The following ANKS1B variants were observed in gnomAD, a reference collection of about 807,000 sequenced individuals.
ANKS1B encodes ankyrin repeat and sterile alpha motif domain-containing protein 1B.
Under a neutral mutation model 148.3 loss-of-function variants are expected in ANKS1B, and 36 were observed. The ratio of observed to expected loss-of-function variants is 0.24; its 90% CI spans 0.19 to 0.32. The LOEUF is 0.32. Ranked by LOEUF, ANKS1B falls within the 10% of genes least tolerant of loss-of-function variation. The pLI, the probability that ANKS1B is intolerant of heterozygous loss-of-function variation, is 1.00. For synonymous variants in ANKS1B, 542 were observed against 560.8 expected (o/e 0.97, Z 0.47); for missense variants, 1,157 against 1,542.6 (o/e 0.75, Z 4.19).
chr12:99,304,926 A>T (rs2082146838), intron 12 of ANKS1B, among the ~76,000 whole-genome samples: 1 of 152,090 alleles, frequency 6.6e-6, no homozygotes, highest in Non-Finnish European at 1.5e-5. Context: ...GCTATGAAGG[A>T]ATACCTGAGA....
At chr12:99,595,371 G>A (rs937803814) in intron 9 of ANKS1B, among the ~76,000 whole-genome samples, 1 of 151,784 alleles carries the variant, frequency 6.6e-6, no homozygotes, top group African/African-American at 2.4e-5. Flanking sequence ...TTACTCTCGT[G>A]TTATTAGAAA....
intron 17 of ANKS1B, among the ~76,000 whole-genome samples, chr12:99,052,225 A>C (rs900493180): frequency 2.6e-5 from 4 of 152,240 alleles, no homozygotes; most frequent in African/African-American, 9.6e-5. Context: ...TCATGTATGC[A>C]GATTCAGTTG....
At chr12:99,538,484 A>T (rs372879820) in intron 9 of ANKS1B, among the ~76,000 whole-genome samples, 7 of 151,906 alleles carry the variant, frequency 4.6e-5, no homozygotes, top group African/African-American at 1.7e-4. Context: ...TCTTTTCTTA[A>T]TTCATTTGTT....
chr12:99,253,745 GAA>G (rs1460569867), intron 12 of ANKS1B, among the ~76,000 whole-genome samples: 3 of 152,054 alleles, frequency 2.0e-5, no homozygotes, highest in African/African-American at 7.2e-5. Flanking sequence ...TTAGAAAGAG[GAA>G]AAAGAGACAC....
At chr12:99,313,284 T>TA (rs1444215701) in intron 12 of ANKS1B, among the ~76,000 whole-genome samples, 4 of 152,038 alleles carry the variant, frequency 2.6e-5, no homozygotes, top group African/African-American at 7.2e-5. Flanking sequence ...GCCTATCAAC[T>TA]AAAAAATAAA....
At chr12:98,965,815 T>A (rs2099877320) in intron 17 of ANKS1B, among the ~76,000 whole-genome samples, 1 of 152,194 alleles carries the variant, frequency 6.6e-6, no homozygotes, top group Non-Finnish European at 1.5e-5. Flanking sequence ...CCTTATTTAA[T>A]AAATGGTGCT....
At chr12:99,242,878 A>G (rs375364997) in intron 14 of ANKS1B, among the ~76,000 whole-genome samples, 3 of 152,346 alleles carry the variant, frequency 2.0e-5, no homozygotes, top group African/African-American at 7.2e-5. Flanking sequence ...CTCACACCAT[A>G]TACAAAAATT....
intron 8 of ANKS1B, among the ~76,000 whole-genome samples, chr12:99,768,056 A>T (rs117095921): frequency 6.6e-6 from 1 of 152,270 alleles, no homozygotes; most frequent in African/African-American, 2.4e-5. Context: ...CTAAGAATAT[A>T]GGTAAAATAC....
chr12:99,662,401 T>G (rs1316286432), intron 8 of ANKS1B, among the ~76,000 whole-genome samples: 4 of 152,216 alleles, frequency 2.6e-5, no homozygotes, highest in Non-Finnish European at 5.9e-5. Context: ...AGCTGCATGA[T>G]TGCAGAGATG....
chr12:99,771,196 C>T (rs934808591), intron 8 of ANKS1B, among the ~76,000 whole-genome samples: 2 of 152,066 alleles, frequency 1.3e-5, no homozygotes, highest in Non-Finnish European at 2.9e-5. Flanking sequence ...CTGTTTTACA[C>T]TTATTCTCTA....
intron 14 of ANKS1B, among the ~76,000 whole-genome samples, chr12:99,167,950 G>A (rs1457737012): frequency 6.6e-6 from 1 of 152,178 alleles, no homozygotes; most frequent in Non-Finnish European, 1.5e-5. Flanking sequence ...CAGACCAAAA[G>A]AATACATTCT....
At chr12:99,908,526 A>C (rs773663887) in intron 1 of ANKS1B, among the ~76,000 whole-genome samples, 7 of 152,170 alleles carry the variant, frequency 4.6e-5, no homozygotes, top group Non-Finnish European at 1.0e-4. Context: ...GGCTGAAGTG[A>C]ACCATGATCA....
intron 14 of ANKS1B, among the ~76,000 whole-genome samples, chr12:99,229,339 CATTTG>C (rs1264553976): frequency 6.6e-6 from 1 of 151,878 alleles, no homozygotes; most frequent in East Asian, 1.9e-4. Context: ...TATTAATGGT[CATTTG>C]ATTTGATTCT....
chr12:99,818,091 G>A (rs1031315832), intron 2 of ANKS1B, among the ~76,000 whole-genome samples: 31 of 151,878 alleles, frequency 2.0e-4, no homozygotes, highest in African/African-American at 7.5e-4. Flanking sequence ...ACTAGTAGGG[G>A]AAAACACCTC....
chr12:99,368,049 A>G (rs1306022651), intron 12 of ANKS1B, among the ~76,000 whole-genome samples: 1 of 152,170 alleles, frequency 6.6e-6, no homozygotes, highest in African/African-American at 2.4e-5. Flanking sequence ...TCGGAGAGAA[A>G]ATTATTTCAA....
At chr12:99,750,950 T>C (rs1357965899) in intron 8 of ANKS1B, among the ~76,000 whole-genome samples, 5 of 152,106 alleles carry the variant, frequency 3.3e-5, no homozygotes, top group African/African-American at 1.2e-4. Context: ...CTAATATAGC[T>C]TATGATTATA....
At chr12:99,515,095 A>AG (rs2096803522) in intron 9 of ANKS1B, among the ~76,000 whole-genome samples, 1 of 152,034 alleles carries the variant, frequency 6.6e-6, no homozygotes, top group South Asian at 2.1e-4. Flanking sequence ...ATTTTGATAA[A>AG]GGCAAGCAAT....
At chr12:99,277,496 T>C (rs920106773) in intron 12 of ANKS1B, among the ~76,000 whole-genome samples, 18 of 152,130 alleles carry the variant, frequency 1.2e-4, no homozygotes, top group Admixed American at 5.2e-4. Context: ...GAGAGAAATA[T>C]AAAATAATAA....
At chr12:98,816,640 T>A (rs1275597945) in intron 19 of ANKS1B, among the ~76,000 whole-genome samples, 2 of 152,328 alleles carry the variant, frequency 1.3e-5, no homozygotes, top group Non-Finnish European at 2.9e-5. Flanking sequence ...TAAGAACCTA[T>A]CTCCCTGTCA....
Sources: gnomAD v4.1 joint callset for allele counts (sites outside exome capture counted in the v4.1 genomes callset) on GRCh38, gnomAD v4.1.1 for gene constraint, MANE v1.5 for transcripts, NCBI Gene and HGNC (gene_info 2026-07-23, HGNC 2026-07-21) for gene names.